The following POU6F2 variants were observed in gnomAD, a reference collection of about 807,000 sequenced individuals.
POU6F2 encodes POU domain, class 6, transcription factor 2.
In POU6F2, 31 loss-of-function variants were observed where a neutral mutation model predicts 71.3. The observed-to-expected ratio is 0.43, with a 90% CI of 0.33 to 0.59. The LOEUF (loss-of-function observed/expected upper bound fraction) is 0.59. Ranked by LOEUF, POU6F2 falls within the 20% of genes least tolerant of loss-of-function variation. The pLI, the probability that POU6F2 is intolerant of heterozygous loss-of-function variation, is 0.04. For missense variants in POU6F2, 783 were observed against 856.8 expected (o/e 0.91, Z 1.07); for synonymous variants, 347 against 355.7 (o/e 0.98, Z 0.27).
At chr7:39,340,678 T>C (rs534403131) in intron 5 of POU6F2, among the ~76,000 whole-genome samples, 2 of 152,192 alleles carry the variant, frequency 1.3e-5, no homozygotes, top group African/African-American at 4.8e-5. Context: ...GAGAGCTTCA[T>C]AAATAGATAT....
chr7:39,019,376 A>G (rs1409528365), intron 1 of POU6F2, among the ~76,000 whole-genome samples: 1 of 152,130 alleles, frequency 6.6e-6, no homozygotes, highest in Non-Finnish European at 1.5e-5. Flanking sequence ...GACCTTCTTT[A>G]GAATCCTTGT....
At chr7:39,101,035 T>G (rs909646546) in intron 2 of POU6F2, among the ~76,000 whole-genome samples, 4 of 151,708 alleles carry the variant, frequency 2.6e-5, no homozygotes, top group Non-Finnish European at 5.9e-5. Flanking sequence ...CATCTAGATC[T>G]TCCAATTTTT....
At chr7:38,991,875 CTATCTT>C (rs1343283641) in intron 1 of POU6F2, among the ~76,000 whole-genome samples, 1 of 151,924 alleles carries the variant, frequency 6.6e-6, no homozygotes, top group South Asian at 2.1e-4. Flanking sequence ...TCTCACATCT[CTATCTT>C]TATCTGTCTT....
At chr7:39,461,470 T>A (rs1788948339) in intron 9 of POU6F2, among the ~76,000 whole-genome samples, 1 of 152,144 alleles carries the variant, frequency 6.6e-6, no homozygotes, top group African/African-American at 2.4e-5. Flanking sequence ...CGGTAAGAGC[T>A]TTTTCCTCTT....
intron 1 of POU6F2, among the ~76,000 whole-genome samples, chr7:38,987,639 G>C (rs959856579): frequency 1.3e-5 from 2 of 152,116 alleles, no homozygotes; most frequent in African/African-American, 4.8e-5. Context: ...CTTAGCTCTT[G>C]AATTCTACTA....
At chr7:39,229,344 C>G (rs961354739) in intron 4 of POU6F2, among the ~76,000 whole-genome samples, 15 of 152,222 alleles carry the variant, frequency 9.9e-5, no homozygotes, top group Non-Finnish European at 1.5e-4. Context: ...CTCGGACTTT[C>G]CTTTGCCCTC....
chr7:39,341,401 C>T (rs986989600), intron 5 of POU6F2, among the ~76,000 whole-genome samples: 2 of 152,226 alleles, frequency 1.3e-5, no homozygotes, highest in South Asian at 2.1e-4. Flanking sequence ...AACGTAACAC[C>T]TTTGACCTAG....
At chr7:39,423,075 G>T (rs551078927) in intron 6 of POU6F2, among the ~76,000 whole-genome samples, 8 of 152,296 alleles carry the variant, frequency 5.3e-5, no homozygotes, top group African/African-American at 1.2e-4. Flanking sequence ...TCAATGAAGG[G>T]TTAACTCGGC....
intron 4 of POU6F2, among the ~76,000 whole-genome samples, chr7:39,291,015 G>GAAAA (rs35704977): frequency 4.9e-5 from 6 of 122,376 alleles, no homozygotes; most frequent in African/African-American, 1.3e-4. Flanking sequence ...AAAGAGGACA[G>GAAAA]AAAAAAAAAA....
chr7:39,087,514 A>G (rs1791278029), intron 2 of POU6F2, among the ~76,000 whole-genome samples: 1 of 152,124 alleles, frequency 6.6e-6, no homozygotes, highest in South Asian at 2.1e-4. Context: ...TTATAGTGTA[A>G]GTTTTTATCC....
chr7:39,224,277 G>T (rs1020057864), intron 4 of POU6F2, among the ~76,000 whole-genome samples: 2 of 151,998 alleles, frequency 1.3e-5, no homozygotes, highest in African/African-American at 4.8e-5. Flanking sequence ...CCAGAAAGTT[G>T]TGTGTTTCCT....
At chr7:39,235,695 G>A (rs892135313) in intron 4 of POU6F2, among the ~76,000 whole-genome samples, 1 of 152,182 alleles carries the variant, frequency 6.6e-6, no homozygotes, top group African/African-American at 2.4e-5. Context: ...TAGGCGTATT[G>A]TAATTTATAC....
chr7:39,320,731 T>A (rs936434526), intron 4 of POU6F2, among the ~76,000 whole-genome samples: 1 of 152,202 alleles, frequency 6.6e-6, no homozygotes, highest in Admixed American at 6.5e-5. Context: ...GTTTAACTTA[T>A]AAATTAGGCA....
intron 2 of POU6F2, among the ~76,000 whole-genome samples, chr7:39,194,426 G>T (rs1448455342): frequency 6.6e-6 from 1 of 152,202 alleles, no homozygotes; most frequent in African/African-American, 2.4e-5. Context: ...GGGACTTGGA[G>T]AAGTTTTCTG....
chr7:39,433,341 C>T (rs1486387613), intron 7 of POU6F2, 58 bp downstream of exon 7: 2 of 1,577,568 alleles, frequency 1.3e-6, no homozygotes, highest in African/African-American at 2.7e-5. Flanking sequence ...CCCAGCTTCT[C>T]CTCTTTGGTC....
chr7:39,222,166 A>C (rs566500666), intron 4 of POU6F2, among the ~76,000 whole-genome samples: 11 of 152,332 alleles, frequency 7.2e-5, no homozygotes, highest in Admixed American at 3.9e-4. Flanking sequence ...AACATCAGAC[A>C]TATTTGCAAG....
intron 4 of POU6F2, among the ~76,000 whole-genome samples, chr7:39,306,652 A>G (rs1785053791): frequency 6.6e-6 from 1 of 152,170 alleles, no homozygotes; most frequent in African/African-American, 2.4e-5. Flanking sequence ...TGGGGTCACT[A>G]CCTAATCTAG....
At chr7:39,092,766 A>C (rs1279476790) in intron 2 of POU6F2, among the ~76,000 whole-genome samples, 1 of 152,082 alleles carries the variant, frequency 6.6e-6, no homozygotes, top group Non-Finnish European at 1.5e-5. Flanking sequence ...GACATCTCCT[A>C]CTCTGTGCTG....
chr7:39,290,134 C>A (rs1169780133), intron 4 of POU6F2, among the ~76,000 whole-genome samples: 3 of 152,194 alleles, frequency 2.0e-5, no homozygotes, highest in Non-Finnish European at 4.4e-5. Context: ...CTTGTACACA[C>A]AGATATACAA....
Sources: allele counts gnomAD v4.1 joint callset (sites outside exome capture counted in the v4.1 genomes callset), GRCh38; gene constraint gnomAD v4.1.1; transcripts MANE v1.5; gene names NCBI Gene and HGNC (gene_info 2026-07-23, HGNC 2026-07-21).